Variants in UACA observed in about 807,000 individuals in gnomAD.
The protein encoded by UACA is uveal autoantigen with coiled-coil domains and ankyrin repeats.
A neutral mutation model predicts 160.5 loss-of-function variants in UACA; 112 were observed. That is an observed-to-expected ratio of 0.70 (90% confidence interval 0.60 to 0.82). UACA has a LOEUF of 0.82. Among genes scored for constraint, UACA ranks in the 40% least tolerant of loss-of-function variants. The probability of loss-of-function intolerance (pLI) is 0.00; values close to 1 mark genes in which losing one functional copy is unlikely to be tolerated. For synonymous variants in UACA, 557 were observed against 568.4 expected, an observed-to-expected ratio of 0.98 and a Z score of 0.29; for missense variants, 1,574 against 1,614.6, an observed-to-expected ratio of 0.97 and a Z score of 0.43.
At chr15:70,748,133 T>C (rs1399030722) in intron 1 of UACA, among the ~76,000 whole-genome samples, 1 of 152,124 alleles carries the variant, frequency 6.6e-6, no homozygotes, top group Non-Finnish European at 1.5e-5. Context: ...GGGGGCTGGA[T>C]AATGGTCCTC....
At position 70,654,776 on chromosome 15, in the gene UACA, C is replaced by G. The variant is rs745869768; in HGVS notation, c.*2280G>C. On this transcript the variant is annotated 3_prime_UTR_variant, in exon 19 of 19. Transcript: ENST00000322954. ...TTAGACAACGTCACTCTTCTTTCCT[C>G]TTGGCCATATGTTCAGGTCTCATAG... 1.3e-5 allele frequency: 2 copies of G among 152,226 alleles called. No individual in the cohort carries two copies. Among genetic ancestry groups the G allele is most frequent in the African/African-American group, 2.4e-5 (1 of 41,468 alleles). 9.4% of individuals were successfully genotyped at this position (152,226 alleles called of 1,614,324 possible).
Position 70,657,068 on chromosome 15 carries a change from C to T in UACA, c.4239G>A (p.Gly1413=), listed in dbSNP as rs1483747316. The T allele has an allele frequency of 6.2e-7, 1 of 1,614,034 alleles. No homozygotes were observed. Among genetic ancestry groups the T allele is most frequent in the East Asian group, 2.2e-5 (1 of 44,886 alleles). ...TCAGTGCTAACGGCTAGCACACAAG[C>T]CCCTGCCGCATTTGTATGATCTGGA... ...ALLQIIQMRQ[G]LVC is the part of the protein sequence containing the mutation. Residue 1413 remains glycine, a synonymous_variant, in exon 19 of 19, where the codon GGG becomes GGA. Coordinates refer to ENST00000322954, the MANE Select transcript of UACA (RefSeq NM_018003.4).
In UACA at chr15:70,664,647, T is replaced by C; in HGVS notation, c.4113+15A>G. The C allele has an allele frequency of 1.2e-6, 2 of 1,603,194 alleles. No homozygotes were observed. Among genetic ancestry groups the C allele is most frequent in the Non-Finnish European group, 1.7e-6 (2 of 1,175,074 alleles). ...GCACATATTCCTGCAAAGCCCCGTG[T>C]GCCTGGTTACTCACGGCCAGCTGTT... On this transcript the variant is annotated intron_variant, in intron 17 of 18. Coordinates refer to ENST00000322954, the MANE Select transcript of UACA (RefSeq NM_018003.4).
At chr15:70,661,086 A>G (rs951972164) in intron 17 of UACA, 40 of 152,180 alleles carry the variant, frequency 2.6e-4, no homozygotes, top group African/African-American at 8.4e-4. Context: ...TGGCCATGCC[A>G]CTTGTATTCC....
In UACA at chr15:70,676,496, A is replaced by G; in HGVS notation, c.1128T>C (p.Phe376=). ...IEALKNRFKY[F]ESDHLGSGSH... ...AAATAATTTATCCTTTCTATACCTC[A>G]AAATATTTAAATCTATTTTTCAGAG... Residue 376 remains phenylalanine, a synonymous_variant, in exon 13 of 19, where the codon TTT becomes TTC. Coordinates refer to ENST00000322954, the MANE Select transcript of UACA (RefSeq NM_018003.4). 6.2e-7 allele frequency: 1 copy of G among 1,602,878 alleles called. No individual in the cohort carries two copies. The highest frequency in any genetic ancestry group is 1.7e-4 in the Middle Eastern group (1 of 5,720).
the UACA span, among the ~76,000 whole-genome samples, chr15:70,772,492 C>CA: frequency 0.015 from 754 of 49,026 alleles, 7 homozygotes; most frequent in East Asian, 0.03. Flanking sequence ...GCCTCCATCT[C>CA]AAAAAAAAAA....
chr15:70,753,623 T>A (rs1464076310), intron 1 of UACA, among the ~76,000 whole-genome samples: 1 of 152,172 alleles, frequency 6.6e-6, no homozygotes, highest in African/African-American at 2.4e-5. Flanking sequence ...CTTCTTAGGG[T>A]TGCGGTGAGG....
At chr15:70,721,424 G>A (rs1204184850) in intron 1 of UACA, among the ~76,000 whole-genome samples, 2 of 152,150 alleles carry the variant, frequency 1.3e-5, no homozygotes, top group Non-Finnish European at 2.9e-5. Flanking sequence ...AGGAGATCGA[G>A]ACCATCCTGG....
At chr15:70,768,079 A>G (rs796776837), upstream of UACA, 5 of 152,378 alleles carry the variant, frequency 3.3e-5, no homozygotes, top group East Asian at 5.8e-4. Flanking sequence ...TAGAATGAGA[A>G]GAAGAAAAAG....
rs1897300916 is a variant in UACA at position 70,676,229 on chromosome 15, T to C, written c.1131+264A>G. ...ATATGATGTTTTAAAAAGGTAAGGA[T>C]GGACAATGAAGAGAAACTAGAATGA... On this transcript the variant is annotated intron_variant, in intron 13 of 18. Transcript: ENST00000322954. 1.0e-5 allele frequency: 3 copies of C among 287,222 alleles called. No homozygotes were observed. The East Asian group carries it at 1.9e-4, about 18-fold the overall frequency. 17.8% of individuals were successfully genotyped at this position (287,222 alleles called of 1,614,324 possible).
intron 1 of UACA, among the ~76,000 whole-genome samples, chr15:70,742,391 G>C (rs1899564019): frequency 6.6e-6 from 1 of 152,090 alleles, no homozygotes; most frequent in Non-Finnish European, 1.5e-5. Flanking sequence ...ATTACCTACA[G>C]GTTTTAAATA....
intron 10 of UACA, among the ~76,000 whole-genome samples, chr15:70,678,413 T>C (rs538049179): frequency 6.6e-6 from 1 of 152,220 alleles, no homozygotes; most frequent in Admixed American, 6.5e-5. Context: ...CTATAATAGC[T>C]AATAAATACA....
At position 70,709,469 on chromosome 15, in the gene UACA, T is replaced by C. The variant is rs772262973; in HGVS notation, c.79-9809A>G. On this transcript the variant is annotated intron_variant, in intron 1 of 18. Coordinates refer to ENST00000322954, the MANE Select transcript of UACA (RefSeq NM_018003.4). ...CATTGACTCTCATATTAATATCAAT[T>C]AGAAATTTGTAACTATTCCAGATAT... Among the ~76,000 whole-genome samples the C allele has an allele frequency of 5.6e-4, 85 of 152,346 alleles. 1 individual carries two copies. The highest frequency in any genetic ancestry group is 1.1e-3 in the Non-Finnish European group (74 of 68,026).
intron 12 of UACA, 97 bp downstream of exon 12, chr15:70,677,011 C>T (rs1738987512): frequency 2.2e-6 from 2 of 891,212 alleles, no homozygotes. Context: ...AAATAGAATC[C>T]TGGTCTCTAT....
chr15:70,679,640 T>C lies in UACA; in HGVS notation c.859A>G (p.Lys287Glu). ...TTTTGATGCTCCCTCTGATGTGACT[T>C]CACATTTACTTCATCTTGCATGTGT... ...LTHMQDEVNV[K>E]SHQREHQNIQ... The change falls in exon 10 of 19, where the codon AAG becomes GAG. Residue 287 changes from lysine to glutamate, a missense_variant. Lys to Glu is a moderately conservative substitution (Grantham distance 56). Coordinates refer to ENST00000322954, the MANE Select transcript of UACA (RefSeq NM_018003.4). 6.3e-7 allele frequency: 1 copy of C among 1,591,258 alleles called. No homozygotes were observed. Among genetic ancestry groups the C allele is most frequent in the South Asian group, 1.1e-5 (1 of 88,130 alleles).
chr15:70,767,252 AAAAAC>A (rs1160422705), upstream of UACA, among the ~76,000 whole-genome samples: 2 of 143,702 alleles, frequency 1.4e-5, no homozygotes, highest in Non-Finnish European at 3.0e-5. Context: ...AAAAAAAAAA[AAAAAC>A]AAAAAACAAA....
At chr15:70,703,012 C>T (rs1898418404) in intron 1 of UACA, 1 of 941,952 alleles carries the variant, frequency 1.1e-6, no homozygotes, top group African/African-American at 1.8e-5. Flanking sequence ...ACTGGTTAAA[C>T]ACTAAAGGAG....
In UACA at chr15:70,667,992, C is replaced by T. The variant is rs190718928; in HGVS notation, c.2692G>A (p.Val898Ile). ...KKFEDINQEF[V>I]KIKDKNEILK... is the part of the protein sequence containing the mutation. The stretch of plus-strand genomic sequence containing the variant: ...ATTTCATTCTTATCTTTTATTTTTA[C>T]AAATTCCTGATTTATATCTTCAAAT... The change falls in exon 16 of 19, where the codon GTA becomes ATA. Residue 898 changes from valine to isoleucine, a missense_variant. Coordinates refer to ENST00000322954, the MANE Select transcript of UACA (RefSeq NM_018003.4). The T allele has an allele frequency of 1.3e-4, 203 of 1,598,368 alleles. No homozygotes were observed. The East Asian group carries it at 3.5e-3, about 27-fold the overall frequency.
At chr15:70,690,365 A>G in intron 5 of UACA, 89 bp downstream of exon 5, 1 of 1,141,174 alleles carries the variant, frequency 8.8e-7, no homozygotes, top group South Asian at 1.4e-5. Flanking sequence ...CATGAATTAT[A>G]TAAATATCTA....
Sources: allele counts gnomAD v4.1 joint callset (sites outside exome capture counted in the v4.1 genomes callset), GRCh38; gene constraint gnomAD v4.1.1; transcripts MANE v1.5; gene names NCBI Gene and HGNC (gene_info 2026-07-23, HGNC 2026-07-21).